The following CYP39A1 variants were observed in gnomAD, a reference collection of about 807,000 sequenced individuals.
The protein encoded by CYP39A1 is cytochrome P450 family 39 subfamily A member 1.
Under a neutral mutation model 58.1 loss-of-function variants are expected in CYP39A1, and 49 were observed. That is an observed-to-expected ratio of 0.84 (90% CI 0.67 to 1.07). CYP39A1 has a LOEUF of 1.07. CYP39A1 is among the 50% of genes least tolerant of loss of function. The pLI is 0.00. For synonymous variants in CYP39A1, 209 were observed against 187.6 expected, an observed-to-expected ratio of 1.11 and a Z score of -0.93; for missense variants, 531 against 539.4, an observed-to-expected ratio of 0.98 and a Z score of 0.16.
intron 10 of CYP39A1, among the ~76,000 whole-genome samples, chr6:46,578,160 C>T (rs915933402): frequency 2.0e-5 from 3 of 151,954 alleles, no homozygotes; most frequent in Non-Finnish European, 2.9e-5. Flanking sequence ...AAATTAATTG[C>T]TCTGCTCCTG....
chr6:46,613,553 T>C (rs1485745528), intron 7 of CYP39A1, among the ~76,000 whole-genome samples: 1 of 152,212 alleles, frequency 6.6e-6, no homozygotes, highest in Non-Finnish European at 1.5e-5. Context: ...AAATGTTTAT[T>C]AATTTATTGT....
intron 1 of CYP39A1, among the ~76,000 whole-genome samples, chr6:46,646,375 T>C (rs957330557): frequency 2.6e-5 from 4 of 152,120 alleles, no homozygotes; most frequent in Admixed American, 6.5e-5. Context: ...ATCAATTATG[T>C]GCTTTTTCTT....
chr6:46,645,977 A>T (rs78393782), intron 1 of CYP39A1, among the ~76,000 whole-genome samples: 1,721 of 152,250 alleles, frequency 0.011, 35 homozygotes, highest in African/African-American at 0.039. Context: ...CAAACAATTG[A>T]TATCTTTATG....
At chr6:46,598,407 T>C (rs1561978334) in intron 7 of CYP39A1, among the ~76,000 whole-genome samples, 1 of 152,162 alleles carries the variant, frequency 6.6e-6, no homozygotes, top group Admixed American at 6.6e-5. Context: ...GCACATGGCA[T>C]AAACTTTCGT....
chr6:46,642,414 ATAT>A lies in CYP39A1; in HGVS notation c.178-119_178-117del, dbSNP rs1283561750. On this transcript the variant is annotated intron_variant, in intron 1 of 11. Transcript: ENST00000275016. ...AGTCAAAAGAAAAATTATTATGATT[ATAT>A]TTGGCAATTAGTTATAAATTTTGAT... 2.0e-4 allele frequency: 193 copies of A among 963,238 alleles called. 1 individual carries two copies. The African/African-American group carries it at 2.7e-3, about 14-fold the overall frequency. 59.7% of individuals were successfully genotyped at this position (963,238 alleles called of 1,614,324 possible).
At chr6:46,567,571 T>C (rs1336147607) in intron 10 of CYP39A1, among the ~76,000 whole-genome samples, 1 of 152,054 alleles carries the variant, frequency 6.6e-6, no homozygotes, top group African/African-American at 2.4e-5. Flanking sequence ...GCTGTTCCAT[T>C]TTACATTCCC....
chr6:46,554,580 G>A (rs1461510760), intron 10 of CYP39A1, among the ~76,000 whole-genome samples: 2 of 149,486 alleles, frequency 1.3e-5, no homozygotes, highest in African/African-American at 4.9e-5. Context: ...ACTGTTTAGA[G>A]ACTATTTTCT....
At chr6:46,592,939 G>A (rs1386692807) in intron 8 of CYP39A1, among the ~76,000 whole-genome samples, 1 of 152,096 alleles carries the variant, frequency 6.6e-6, no homozygotes, top group Admixed American at 6.6e-5. Context: ...ATGGGCAACA[G>A]AGATGCAAAT....
Position 46,639,644 on chromosome 6 carries a change from A to G in CYP39A1, c.338T>C (p.Leu113Ser), listed in dbSNP as rs373007803. Reference sequence around the variant, plus strand: ...AATATAGAGTTTTTCATGCAGTGCTAAAAAGACATTCTTTGGAATTGATGC... The same window carrying G: ...AATATAGAGTTTTTCATGCAGTGCTGAAAAGACATTCTTTGGAATTGATGC... Reference protein sequence around the residue: ...RTASIPKNVFLALHEKLYIML... With the variant: ...RTASIPKNVFSALHEKLYIML... Residue 113 changes from leucine to serine, a missense_variant, in exon 3 of 12, where the codon TTA (leucine) becomes TCA (serine). Physicochemically the swap from Leu to Ser is moderately radical, Grantham distance 145 (BLOSUM62 -2). Transcript: ENST00000275016. 1.2e-4 allele frequency: 187 copies of G among 1,612,726 alleles called. 1 individual carries two copies. The highest frequency in any genetic ancestry group is 1.5e-4 in the Non-Finnish European group (177 of 1,179,600).
At chr6:46,615,394 C>G (rs907570514) in intron 7 of CYP39A1, among the ~76,000 whole-genome samples, 1 of 151,670 alleles carries the variant, frequency 6.6e-6, no homozygotes, top group Admixed American at 6.6e-5. Flanking sequence ...GGCTAGTGAC[C>G]CCTCGCTTAA....
At chr6:46,554,267 A>G (rs1770558472) in intron 10 of CYP39A1, among the ~76,000 whole-genome samples, 4 of 152,218 alleles carry the variant, frequency 2.6e-5, no homozygotes, top group Admixed American at 2.0e-4. Flanking sequence ...CAAGTGCTCA[A>G]AAGCTGCATG....
At chr6:46,553,592 C>A (rs1487285371) in intron 11 of CYP39A1, among the ~76,000 whole-genome samples, 175 bp downstream of exon 11, 1 of 152,104 alleles carries the variant, frequency 6.6e-6, no homozygotes, top group Non-Finnish European at 1.5e-5. Context: ...AGATTAGATC[C>A]TGAATTAAGG....
At chr6:46,642,428 G>A (rs1157179441) in intron 1 of CYP39A1, 130 bp from the exon 2 acceptor site, 4 of 874,134 alleles carry the variant, frequency 4.6e-6, no homozygotes, top group Non-Finnish European at 6.7e-6. Flanking sequence ...TTGGCAATTA[G>A]TTATAAATTT....
intron 10 of CYP39A1, among the ~76,000 whole-genome samples, chr6:46,557,414 G>A (rs1397523565): frequency 6.6e-6 from 1 of 151,794 alleles, no homozygotes; most frequent in Non-Finnish European, 1.5e-5. Context: ...GCTGAGGCAG[G>A]TAGATGACCT....
chr6:46,551,218 G>A (rs1035830226), intron 11 of CYP39A1, among the ~76,000 whole-genome samples: 2 of 152,084 alleles, frequency 1.3e-5, no homozygotes, highest in Non-Finnish European at 2.9e-5. Flanking sequence ...AGATTCTTTG[G>A]AGAGTTGAAA....
intron 10 of CYP39A1, among the ~76,000 whole-genome samples, chr6:46,561,269 C>A (rs1770953278): frequency 6.6e-6 from 1 of 151,962 alleles, no homozygotes; most frequent in Non-Finnish European, 1.5e-5. Flanking sequence ...TGTTTTAAGC[C>A]CTTCTCTAAT....
chr6:46,652,733 C>T lies in CYP39A1; in HGVS notation c.-151G>A, dbSNP rs1028888741. 26 of 656,272 alleles carry T rather than the reference C, an allele frequency of 4.0e-5. No homozygotes were observed. The highest frequency in any genetic ancestry group is 5.7e-5 in the Non-Finnish European group (23 of 400,854). 40.7% of individuals were successfully genotyped at this position (656,272 alleles called of 1,614,324 possible). A position where few individuals can be genotyped will look rare whatever the true frequency, so the allele number is the denominator to read the frequency against. On this transcript the variant is annotated 5_prime_UTR_variant, in exon 1 of 12. Coordinates refer to ENST00000275016, the MANE Select transcript of CYP39A1 (RefSeq NM_016593.5). Reference sequence around the variant, plus strand: ...CCTTCGTAACTGTAGCTTCCTTCCTCTGTCCCAGTTTTCAGGTGATTTTTC... The same window carrying T: ...CCTTCGTAACTGTAGCTTCCTTCCTTTGTCCCAGTTTTCAGGTGATTTTTC...
At chr6:46,646,093 T>C (rs940231596) in intron 1 of CYP39A1, among the ~76,000 whole-genome samples, 2 of 152,076 alleles carry the variant, frequency 1.3e-5, no homozygotes, top group Non-Finnish European at 2.9e-5. Context: ...TATTTTCGAA[T>C]CCATATATAT....
chr6:46,564,180 ATTC>A (rs1771152544), intron 10 of CYP39A1, among the ~76,000 whole-genome samples: 1 of 139,430 alleles, frequency 7.2e-6, no homozygotes, highest in African/African-American at 2.8e-5. Flanking sequence ...ATTCTATTTT[ATTC>A]TATTTTATTT....
Sources: allele counts gnomAD v4.1 joint callset (sites outside exome capture counted in the v4.1 genomes callset), GRCh38; gene constraint gnomAD v4.1.1; transcripts MANE v1.5; gene names NCBI Gene and HGNC (gene_info 2026-07-23, HGNC 2026-07-21).